The following PLEKHG3 variants were observed in gnomAD, a reference collection of about 807,000 sequenced individuals.
PLEKHG3 encodes the protein pleckstrin homology domain-containing family G member 3.
Under a neutral mutation model 94.9 loss-of-function variants are expected in PLEKHG3, and 62 were observed. The ratio of observed to expected loss-of-function variants is 0.65; its 90% confidence interval spans 0.53 to 0.81. The LOEUF is 0.81. PLEKHG3 is among the 30% of genes least tolerant of loss of function. The pLI is 0.00. For synonymous variants in PLEKHG3, 614 were observed against 654.0 expected, an observed-to-expected ratio of 0.94 and a Z score of 0.93; for missense variants, 1,461 against 1,619.3, an observed-to-expected ratio of 0.90 and a Z score of 1.68.
rs150099600 is a variant in PLEKHG3, at chr14:64,740,989, A to C, written c.1519-47A>C. 246 of 1,470,354 alleles carry C rather than the reference A, an allele frequency of 1.7e-4. 1 individual carries two copies. The East Asian group carries it at 5.2e-3, about 31-fold the overall frequency. 91.1% of individuals were successfully genotyped at this position (1,470,354 alleles called of 1,614,324 possible). ...GCTGTCCCCTTGTTCCCCGGATCCC[A>C]TGAAGGAGGCTTTTTACTCATGTGA... On this transcript the variant is annotated intron_variant, in intron 15 of 16. Coordinates refer to ENST00000247226, the MANE Select transcript of PLEKHG3 (RefSeq NM_001308147.2).
Position 64,723,524 on chromosome 14 carries a change from G to C in PLEKHG3, c.-39-4069G>C, listed in dbSNP as rs2081301073. The stretch of plus-strand genomic sequence containing the variant: ...TTTCTTTTTTCTTTTTTTTTGAGAT[G>C]GAGTCTCATGCTGTCACCCAGGCTG... On this transcript the variant is annotated intron_variant, in intron 1 of 16. Coordinates refer to ENST00000247226, the MANE Select transcript of PLEKHG3 (RefSeq NM_001308147.2). The surrounding 1 kb of genome is among the most constrained non-coding windows in gnomAD (Gnocchi z 4.5). Among the ~76,000 whole-genome samples, 2 of 151,470 alleles carry C rather than the reference G, an allele frequency of 1.3e-5. No individual in the cohort carries two copies. The highest frequency in any genetic ancestry group is 4.9e-5 in the African/African-American group (2 of 41,230).
chr14:64,738,978 A>C lies in PLEKHG3; in HGVS notation c.1518+123A>C, dbSNP rs984391959. The C allele has an allele frequency of 6.0e-6, 4 of 668,316 alleles. No individual in the cohort carries two copies. In the African/African-American group the frequency reaches 7.2e-5, roughly 12 times the overall value. The allele number at this position is 668,316 out of a possible 1,614,324, so 41.4% of individuals were successfully genotyped here. A position where few individuals can be genotyped will look rare whatever the true frequency, so the allele number is the denominator to read the frequency against. On this transcript the variant is annotated intron_variant, in intron 15 of 16. Transcript: ENST00000247226. The surrounding 1 kb of genome is among the most constrained non-coding windows in gnomAD (Gnocchi z 4.8). ...GGGCCCATGGGAACAGAGATTCCCCACCTCCCAGGACTCTCAGCCCTGCAT... is the reference window on the plus strand; with the variant it reads ...GGGCCCATGGGAACAGAGATTCCCCCCCTCCCAGGACTCTCAGCCCTGCAT...
rs771837561 is a variant in PLEKHG3 at position 64,741,045 on chromosome 14, G to C, written c.1528G>C (p.Asp510His). The C allele has an allele frequency of 1.7e-5, 27 of 1,585,028 alleles. No individual in the cohort carries two copies. The Admixed American group carries it at 4.8e-4, about 28-fold the overall frequency. ...TTCTGCTATGTTTCAGGTTGAGCCG[G>C]ACCCTGAGGCTGGGAGTGAGCAAGA... ...SISSLPEVEPDPEAGSEQEVF... is the reference protein window; with the variant it reads ...SISSLPEVEPHPEAGSEQEVF... The change falls in exon 16 of 17, where the codon GAC (aspartate) becomes CAC (histidine). Residue 510 changes from aspartate to histidine, a missense_variant. Around this residue, in one of 3 missense-constraint regions of PLEKHG3, gnomAD observed 1,201 missense variants for 1,295.5 expected, o/e 0.93. Coordinates refer to ENST00000247226, the MANE Select transcript of PLEKHG3 (RefSeq NM_001308147.2).
intron 12 of PLEKHG3, 44 bp from the exon 13 acceptor site, chr14:64,736,809 A>C: frequency 6.8e-7 from 1 of 1,478,544 alleles, no homozygotes; most frequent in Non-Finnish European, 9.5e-7. Flanking sequence ...CAGGCACAGC[A>C]GTTTCCTGGC....
Position 64,727,210 on chromosome 14 carries a change from G to C in PLEKHG3, c.-39-383G>C, listed in dbSNP as rs1016866439. ...TGTGCCCCAGCAGTGGGGCTGGGCT[G>C]TGAATTCCTTAGAGGGTACCTGGAC... On this transcript the variant is annotated intron_variant, in intron 1 of 16. Coordinates refer to ENST00000247226, the MANE Select transcript of PLEKHG3 (RefSeq NM_001308147.2). This position sits in a 1 kb window ranked among gnomAD's most constrained non-coding sequence, Gnocchi z 6.0. Among the ~76,000 whole-genome samples the C allele has an allele frequency of 6.6e-6, 1 of 152,140 alleles. No individual in the cohort carries two copies. Among genetic ancestry groups the C allele is most frequent in the Non-Finnish European group, 1.5e-5 (1 of 68,022 alleles).
chr14:64,736,018 C>A (rs1315493681), intron 12 of PLEKHG3, among the ~76,000 whole-genome samples: 2 of 152,238 alleles, frequency 1.3e-5, no homozygotes, highest in Non-Finnish European at 2.9e-5. Context: ...CTTCAACAGG[C>A]CTGCCTGCTG....
rs901456581 is a variant in PLEKHG3 at position 64,730,877 on chromosome 14, G to A, written c.645G>A (p.Gln215=). The A allele has an allele frequency of 1.2e-6, 2 of 1,613,006 alleles. No individual in the cohort carries two copies. The highest frequency in any genetic ancestry group is 3.3e-5 in the Admixed American group (2 of 59,996). Residue 215 remains glutamine (Q), a synonymous_variant, in exon 6 of 17, where the codon CAG becomes CAA. Coordinates refer to ENST00000247226, the MANE Select transcript of PLEKHG3 (RefSeq NM_001308147.2). The surrounding 1 kb of genome is among the most constrained non-coding windows in gnomAD (Gnocchi z 5.4). The stretch of plus-strand genomic sequence containing the variant: ...TTCGGGACCGGCAGGAGCTGCTACA[G>A]CACTCGCTGCCCTTGGGCTCCTACC... The part of the protein sequence containing the change: ...KFFRDRQELL[Q]HSLPLGSYLL...
chr14:64,716,466 A>ACACACACAC lies in PLEKHG3; in HGVS notation c.-39-11127_-39-11126insCACACACAC, dbSNP rs1555359403. ...CACACACACACACACACACACACAC[A>ACACACACAC]ACACACACACACACAACACACACAC... On this transcript the variant is annotated intron_variant, in intron 1 of 16. Coordinates refer to ENST00000247226, the MANE Select transcript of PLEKHG3 (RefSeq NM_001308147.2). This position sits in a 1 kb window ranked among gnomAD's most constrained non-coding sequence, Gnocchi z 5.0. Among the ~76,000 whole-genome samples the ACACACACAC allele has an allele frequency of 1.2e-5, 1 of 86,446 alleles. No homozygotes were observed. The highest frequency in any genetic ancestry group is 2.5e-5 in the Non-Finnish European group (1 of 39,538). 56.7% of individuals were successfully genotyped at this position (86,446 alleles called of 152,430 possible). A position where few individuals can be genotyped will look rare whatever the true frequency, so the allele number is the denominator to read the frequency against.
rs1431751086 is a variant in PLEKHG3, at chr14:64,721,980, A to G, written c.-39-5613A>G. Among the ~76,000 whole-genome samples the G allele has an allele frequency of 2.5e-5, 3 of 118,596 alleles. No individual in the cohort carries two copies. The highest frequency in any genetic ancestry group is 7.5e-5 in the African/African-American group (3 of 39,786). The allele number at this position is 118,596 out of a possible 152,430, so 77.8% of individuals were successfully genotyped here. A position where few individuals can be genotyped will look rare whatever the true frequency, so the allele number is the denominator to read the frequency against. Reference sequence around the variant, plus strand: ...CTCTCTGGAAGTTCACATTGCTCCCACACTGTTTTTTCTGGAAAAGTTATA... The same window carrying G: ...CTCTCTGGAAGTTCACATTGCTCCCGCACTGTTTTTTCTGGAAAAGTTATA... On this transcript the variant is annotated intron_variant, in intron 1 of 16. Coordinates refer to ENST00000247226, the MANE Select transcript of PLEKHG3 (RefSeq NM_001308147.2). This position sits in a 1 kb window ranked among gnomAD's most constrained non-coding sequence, Gnocchi z 4.3.
Position 64,749,526 on chromosome 14 carries a change from C to T in PLEKHG3, c.*5823C>T, listed in dbSNP as rs1220168758. The T allele has an allele frequency of 1.8e-5, 28 of 1,598,352 alleles. No individual in the cohort carries two copies. Among genetic ancestry groups the T allele is most frequent in the Non-Finnish European group, 2.3e-5 (27 of 1,177,564 alleles). On this transcript the variant is annotated 3_prime_UTR_variant, in exon 17 of 17. Transcript: ENST00000247226. The surrounding 1 kb of genome is among the most constrained non-coding windows in gnomAD (Gnocchi z 4.7). ...CTGGAGGCCCACAGCCCCCCACCTC[C>T]CGGGCCAGGCAACAATGGTGGGGGC...
In PLEKHG3 at chr14:64,729,761, G is replaced by A. The variant is rs1195651954; in HGVS notation, c.450-482G>A. 2.0e-5 allele frequency among the ~76,000 whole-genome samples: 3 copies of A among 152,284 alleles called. No individual in the cohort carries two copies. In the East Asian group the frequency reaches 5.8e-4, roughly 29 times the overall value. ...GAGGGCAGGGTGCAGGGAGGACTTA[G>A]GCCAATGGTGAGGGGTTGGGAAAAG... is the stretch of plus-strand genomic sequence containing the variant. On this transcript the variant is annotated intron_variant, in intron 3 of 16. Transcript: ENST00000247226.
chr14:64,722,986 T>A lies in PLEKHG3; in HGVS notation c.-39-4607T>A, dbSNP rs2139373753. 6.6e-6 allele frequency among the ~76,000 whole-genome samples: 1 copy of A among 152,204 alleles called. No homozygotes were observed. The highest frequency in any genetic ancestry group is 1.9e-4 in the East Asian group (1 of 5,174). ...CTGTTGTGGGTTATGAGGGTGTGCC[T>A]TTTTTCTTTCCTGTTGGGTCAGAAT... On this transcript the variant is annotated intron_variant, in intron 1 of 16. Transcript: ENST00000247226. This position sits in a 1 kb window ranked among gnomAD's most constrained non-coding sequence, Gnocchi z 4.3.
chr14:64,728,589 G>T lies in PLEKHG3; in HGVS notation c.352-407G>T, dbSNP rs1387074750. 6.6e-6 allele frequency among the ~76,000 whole-genome samples: 1 copy of T among 152,240 alleles called. No individual in the cohort carries two copies. Among genetic ancestry groups the T allele is most frequent in the African/African-American group, 2.4e-5 (1 of 41,466 alleles). ...TTGGCTCCCTTCAGAGCCTCTGAGG[G>T]AGTAGGCATTCTATGCCTGTCATCC... On this transcript the variant is annotated intron_variant, in intron 2 of 16. Transcript: ENST00000247226. This position sits in a 1 kb window ranked among gnomAD's most constrained non-coding sequence, Gnocchi z 5.9.
In PLEKHG3 at chr14:64,749,857, G is replaced by A. The variant is rs1012541815; in HGVS notation, c.*6154G>A. 94 of 1,511,052 alleles carry A rather than the reference G, an allele frequency of 6.2e-5. No homozygotes were observed. Among genetic ancestry groups the A allele is most frequent in the Middle Eastern group, 1.7e-4 (1 of 5,816 alleles). The allele number at this position is 1,511,052 out of a possible 1,614,324, so 93.6% of individuals were successfully genotyped here. A position where few individuals can be genotyped will look rare whatever the true frequency, so the allele number is the denominator to read the frequency against. On this transcript the variant is annotated 3_prime_UTR_variant, in exon 17 of 17. Coordinates refer to ENST00000247226, the MANE Select transcript of PLEKHG3 (RefSeq NM_001308147.2). The surrounding 1 kb of genome is among the most constrained non-coding windows in gnomAD (Gnocchi z 4.7). ...CAAAGTCTGGACCATCAGCCTCTTT[G>A]ATTTGAAAAACCCCTGAGGAGCAGC... is the stretch of plus-strand genomic sequence containing the variant.
Position 64,745,988 on chromosome 14 carries a change from C to G in PLEKHG3, c.*2285C>G, listed in dbSNP as rs1167258955. On this transcript the variant is annotated 3_prime_UTR_variant, in exon 17 of 17. Coordinates refer to ENST00000247226, the MANE Select transcript of PLEKHG3 (RefSeq NM_001308147.2). The surrounding 1 kb of genome is among the most constrained non-coding windows in gnomAD (Gnocchi z 5.0). ...AGGCTTAGAGATTCTGATGATTCTG[C>G]GGTCCAGTGAGTGCTGAGATCTGTC... 1 of 152,268 alleles carries G rather than the reference C, an allele frequency of 6.6e-6. No homozygotes were observed. The highest frequency in any genetic ancestry group is 1.5e-5 in the Non-Finnish European group (1 of 68,106). The allele number at this position is 152,268 out of a possible 1,614,324, so 9.4% of individuals were successfully genotyped here. A position where few individuals can be genotyped will look rare whatever the true frequency, so the allele number is the denominator to read the frequency against.
At chr14:64,740,885 C>T (rs970248465) in intron 15 of PLEKHG3, 151 bp from the exon 16 acceptor site, 2 of 625,112 alleles carry the variant, frequency 3.2e-6, no homozygotes, top group African/African-American at 3.7e-5. Flanking sequence ...GACCCATCAC[C>T]TACTCCTAAG....
chr14:64,738,462 G>A lies in PLEKHG3; in HGVS notation c.1405-280G>A, dbSNP rs1475774377. Among the ~76,000 whole-genome samples the A allele has an allele frequency of 6.6e-6, 1 of 152,212 alleles. No homozygotes were observed. Among genetic ancestry groups the A allele is most frequent in the Non-Finnish European group, 1.5e-5 (1 of 68,030 alleles). On this transcript the variant is annotated intron_variant, in intron 14 of 16. Transcript: ENST00000247226. The surrounding 1 kb of genome is among the most constrained non-coding windows in gnomAD (Gnocchi z 4.8). The stretch of plus-strand genomic sequence containing the variant: ...AGCATGACAAGTGGGGTGGGGTGGT[G>A]GGGGCAGGGAGAAGCTAGCACACAG...
In PLEKHG3 at chr14:64,727,512, C is replaced by T; in HGVS notation, c.-39-81C>T. On this transcript the variant is annotated intron_variant, in intron 1 of 16. Transcript: ENST00000247226. This position sits in a 1 kb window ranked among gnomAD's most constrained non-coding sequence, Gnocchi z 6.0. ...AATAATACCTTCCCACCCCACCTGC[C>T]CCCACCCCTGGCAACCGTCCCTCTG... 7.5e-6 allele frequency: 4 copies of T among 535,898 alleles called. No homozygotes were observed. The highest frequency in any genetic ancestry group is 1.4e-5 in the Non-Finnish European group (4 of 289,694). 33.2% of individuals were successfully genotyped at this position (535,898 alleles called of 1,614,324 possible).
rs983135669 is a variant in PLEKHG3 at position 64,746,959 on chromosome 14, T to G, written c.*3256T>G. On this transcript the variant is annotated 3_prime_UTR_variant, in exon 17 of 17. Coordinates refer to ENST00000247226, the MANE Select transcript of PLEKHG3 (RefSeq NM_001308147.2). This position sits in a 1 kb window ranked among gnomAD's most constrained non-coding sequence, Gnocchi z 4.9. ...GCCCTGGTGTGGCACACACAGGGTC[T>G]CCCAAAGCTGGATGCCTGCATTTTC... The G allele has an allele frequency of 5.3e-5, 8 of 152,292 alleles. No individual in the cohort carries two copies. Among genetic ancestry groups the G allele is most frequent in the African/African-American group, 1.9e-4 (8 of 41,312 alleles). The allele number at this position is 152,292 out of a possible 1,614,324, so 9.4% of individuals were successfully genotyped here.
Sources: allele counts gnomAD v4.1 joint callset (sites outside exome capture counted in the v4.1 genomes callset), GRCh38; gene constraint gnomAD v4.1.1; regional missense constraint gnomAD v4.1.1; non-coding constraint Gnocchi (gnomAD v3.1); transcripts MANE v1.5; gene names NCBI Gene and HGNC (gene_info 2026-07-23, HGNC 2026-07-21).